Variants in ABAT observed in about 807,000 individuals in gnomAD.
ABAT encodes the protein 4-aminobutyrate aminotransferase, mitochondrial.
Under a neutral mutation model 64.6 loss-of-function variants are expected in ABAT, and 45 were observed. The ratio of observed to expected loss-of-function variants is 0.70; its 90% CI spans 0.55 to 0.89. The LOEUF (loss-of-function observed/expected upper bound fraction) is 0.89. ABAT is among the 40% of genes least tolerant of loss of function. ABAT has a pLI of 0.00. For synonymous variants in ABAT, 297 were observed against 250.5 expected, an observed-to-expected ratio of 1.19 and a Z score of -1.75; for missense variants, 633 against 658.4, an observed-to-expected ratio of 0.96 and a Z score of 0.42.
intron 1 of ABAT, among the ~76,000 whole-genome samples, chr16:8,702,134 C>T (rs1178778323): frequency 6.6e-6 from 1 of 151,978 alleles, no homozygotes; most frequent in African/African-American, 2.4e-5. Flanking sequence ...GCGGGCTGTA[C>T]AGGAAGTATA....
At chr16:8,723,175 G>C (rs181527189) in intron 1 of ABAT, among the ~76,000 whole-genome samples, 31 of 152,312 alleles carry the variant, frequency 2.0e-4, no homozygotes, top group African/African-American at 6.7e-4. Flanking sequence ...AGAGGTTACA[G>C]TGAGCCAAGA....
chr16:8,774,337 C>G, intron 12 of ABAT, among the ~76,000 whole-genome samples: 1 of 152,094 alleles, frequency 6.6e-6, no homozygotes. Context: ...CATGGGAGTG[C>G]AGGTATCTCT....
intron 1 of ABAT, among the ~76,000 whole-genome samples, chr16:8,728,229 A>T (rs2058615306): frequency 6.6e-6 from 1 of 152,260 alleles, no homozygotes; most frequent in African/African-American, 2.4e-5. Context: ...GCTAAGAATT[A>T]ATGTCTAACA....
At chr16:8,768,131 G>A (rs1301883729) in intron 9 of ABAT, 62 bp from the exon 10 acceptor site, 3 of 1,542,410 alleles carry the variant, frequency 1.9e-6, no homozygotes, top group Non-Finnish European at 1.8e-6. Flanking sequence ...ACTTGCAGGG[G>A]CAACAATACA....
chr16:8,724,605 A>G (rs573046393), intron 1 of ABAT, among the ~76,000 whole-genome samples: 2 of 152,058 alleles, frequency 1.3e-5, no homozygotes, highest in East Asian at 3.9e-4. Flanking sequence ...GTGTGGTGGC[A>G]TGTGCTTATA....
Position 8,781,520 on chromosome 16 carries a change from A to G in ABAT, c.*90A>G. 3.2e-6 allele frequency: 5 copies of G among 1,569,316 alleles called. No individual in the cohort carries two copies. The Admixed American group carries it at 5.0e-5, about 16-fold the overall frequency. On this transcript the variant is annotated 3_prime_UTR_variant, in exon 16 of 16. Transcript: ENST00000268251. This position sits in a 1 kb window ranked among gnomAD's most constrained non-coding sequence, Gnocchi z 4.5. The stretch of plus-strand genomic sequence containing the variant: ...CTAATTCATGTTTTCACTTAAAAGT[A>G]TCAGAGGTGAATGCACAGTGAAGGG...
intron 1 of ABAT, chr16:8,713,285 A>G (rs2058120105): frequency 6.8e-6 from 1 of 148,136 alleles, no homozygotes; most frequent in Admixed American, 6.7e-5. Flanking sequence ...GAGCCTGTTA[A>G]AAAAAAAAAA....
chr16:8,719,314 T>A (rs549010398), intron 1 of ABAT, among the ~76,000 whole-genome samples: 18 of 152,332 alleles, frequency 1.2e-4, no homozygotes, highest in African/African-American at 4.3e-4. Context: ...TCACTCCTCC[T>A]CCCTTGTAGG....
chr16:8,723,506 T>C (rs1469464133), intron 1 of ABAT, among the ~76,000 whole-genome samples: 1 of 152,146 alleles, frequency 6.6e-6, no homozygotes, highest in Non-Finnish European at 1.5e-5. Flanking sequence ...CCTCTTTCCT[T>C]GGCAACTCCA....
intron 5 of ABAT, among the ~76,000 whole-genome samples, chr16:8,755,563 T>G (rs531163491): frequency 2.0e-5 from 3 of 152,188 alleles, no homozygotes; most frequent in Non-Finnish European, 4.4e-5. Context: ...CTCCCAGTAC[T>G]GACTGGGAGA....
At chr16:8,756,173 T>C (rs1019738636) in intron 5 of ABAT, among the ~76,000 whole-genome samples, 1 of 152,118 alleles carries the variant, frequency 6.6e-6, no homozygotes, top group Non-Finnish European at 1.5e-5. Context: ...CGAGCCACGA[T>C]TGTGCCACTG....
At chr16:8,675,019 C>A (rs2057163461) in intron 1 of ABAT, among the ~76,000 whole-genome samples, 2 of 152,280 alleles carry the variant, frequency 1.3e-5, no homozygotes, top group South Asian at 4.2e-4. Context: ...TCTCTAGAGC[C>A]CCCTCACCTC....
intron 2 of ABAT, among the ~76,000 whole-genome samples, chr16:8,743,397 A>T (rs1407582610): frequency 7.2e-6 from 1 of 138,764 alleles, no homozygotes. Flanking sequence ...TGAGCTTTAG[A>T]GTCCCCTCTT....
At chr16:8,780,540 T>C (rs971857937) in intron 15 of ABAT, 1 of 155,234 alleles carries the variant, frequency 6.4e-6, no homozygotes, top group Non-Finnish European at 1.4e-5. Context: ...CGTGGGCAGA[T>C]CAGCTGAAGT....
At chr16:8,775,109 C>T (rs770812716) in intron 13 of ABAT, 52 bp downstream of exon 13, 3 of 1,611,994 alleles carry the variant, frequency 1.9e-6, no homozygotes, top group Non-Finnish European at 2.5e-6. Context: ...AGGGAGCATC[C>T]TCTTCTCCTA....
chr16:8,764,917 A>G lies in ABAT; in HGVS notation c.540+87A>G. 1 of 1,230,520 alleles carries G rather than the reference A, an allele frequency of 8.1e-7. No homozygotes were observed. Among genetic ancestry groups the G allele is most frequent in the South Asian group, 1.2e-5 (1 of 82,468 alleles). The allele number at this position is 1,230,520 out of a possible 1,614,324, so 76.2% of individuals were successfully genotyped here. A position where few individuals can be genotyped will look rare whatever the true frequency, so the allele number is the denominator to read the frequency against. Reference sequence around the variant, plus strand: ...CACCCCTTGTCTGACTGTTCATTCCAATGGGCTGGAGTATTAGACATCAGT... The same window carrying G: ...CACCCCTTGTCTGACTGTTCATTCCGATGGGCTGGAGTATTAGACATCAGT... On this transcript the variant is annotated intron_variant, in intron 8 of 15. Coordinates refer to ENST00000268251, the MANE Select transcript of ABAT (RefSeq NM_020686.6). This position sits in a 1 kb window ranked among gnomAD's most constrained non-coding sequence, Gnocchi z 4.2.
chr16:8,766,814 C>T (rs1012999159), intron 9 of ABAT, among the ~76,000 whole-genome samples: 2 of 152,014 alleles, frequency 1.3e-5, no homozygotes, highest in Non-Finnish European at 2.9e-5. Flanking sequence ...ACTAAAAATA[C>T]AAAAATTAGC....
At chr16:8,739,109 C>T (rs1478466308) in intron 2 of ABAT, among the ~76,000 whole-genome samples, 1 of 152,254 alleles carries the variant, frequency 6.6e-6, no homozygotes, top group Non-Finnish European at 1.5e-5. Context: ...TGGGCACCTA[C>T]TGCATGCCAA....
intron 1 of ABAT, among the ~76,000 whole-genome samples, chr16:8,700,821 G>A (rs1051234592): frequency 3.3e-5 from 5 of 151,534 alleles, no homozygotes; most frequent in African/African-American, 1.2e-4. Flanking sequence ...GCTCAGGCTG[G>A]TCTTGAGCTC....
Sources: gnomAD v4.1 joint callset for allele counts (sites outside exome capture counted in the v4.1 genomes callset) on GRCh38, gnomAD v4.1.1 for gene constraint, Gnocchi (gnomAD v3.1) non-coding constraint, MANE v1.5 for transcripts, NCBI Gene and HGNC (gene_info 2026-07-23, HGNC 2026-07-21) for gene names.